PDE3A: variants seen among roughly 807,000 people sequenced by gnomAD.
PDE3A encodes phosphodiesterase 3A, also known as cGMP-inhibited 3',5'-cyclic phosphodiesterase 3A.
In PDE3A, 43 loss-of-function variants were observed where a neutral mutation model predicts 98.3. The observed-to-expected ratio is 0.44, with a 90% CI of 0.34 to 0.56. The LOEUF (loss-of-function observed/expected upper bound fraction) is 0.56. Ranked by LOEUF, PDE3A falls within the 20% of genes least tolerant of loss-of-function variation. The pLI, the probability that PDE3A is intolerant of heterozygous loss-of-function variation, is 0.01. For missense variants in PDE3A, 1,427 were observed against 1,440.7 expected (o/e 0.99, Z 0.15); for synonymous variants, 663 against 567.9 (o/e 1.17, Z -2.38).
intron 2 of PDE3A, among the ~76,000 whole-genome samples, chr12:20,599,443 C>T (rs760086308): frequency 4.6e-5 from 7 of 152,278 alleles, no homozygotes; most frequent in East Asian, 3.9e-4. Context: ...TTTTCATTCT[C>T]GTTTGTACTT....
At chr12:20,488,198 C>T (rs958611213) in intron 1 of PDE3A, among the ~76,000 whole-genome samples, 2 of 152,004 alleles carry the variant, frequency 1.3e-5, no homozygotes, top group Non-Finnish European at 2.9e-5. Context: ...CTCTTTTTCA[C>T]GTACTCTACC....
At chr12:20,604,607 A>G (rs1009409049) in intron 2 of PDE3A, among the ~76,000 whole-genome samples, 1 of 152,216 alleles carries the variant, frequency 6.6e-6, no homozygotes, top group Non-Finnish European at 1.5e-5. Context: ...GAAAGAAAAT[A>G]TTGAGTTTAA....
chr12:20,654,704 G>A (rs867253167), intron 15 of PDE3A, among the ~76,000 whole-genome samples: 6 of 142,566 alleles, frequency 4.2e-5, no homozygotes, highest in Admixed American at 1.5e-4. Flanking sequence ...AGTAGAGATC[G>A]GGTTTCACCA....
chr12:20,447,738 T>C (rs1944981196), intron 1 of PDE3A, among the ~76,000 whole-genome samples: 2 of 152,196 alleles, frequency 1.3e-5, no homozygotes, highest in African/African-American at 4.8e-5. Context: ...TTCTCTGAAT[T>C]CTGTGAGCTG....
At chr12:20,667,635 T>C (rs528172215) in intron 15 of PDE3A, among the ~76,000 whole-genome samples, 3 of 152,192 alleles carry the variant, frequency 2.0e-5, no homozygotes, top group Non-Finnish European at 4.4e-5. Flanking sequence ...ATATGTCCAT[T>C]TATATACTAA....
At chr12:20,659,801 C>T (rs141869583) in intron 15 of PDE3A, among the ~76,000 whole-genome samples, 47 of 152,204 alleles carry the variant, frequency 3.1e-4, no homozygotes, top group Admixed American at 5.9e-4. Flanking sequence ...ACCACTTTTT[C>T]GTATTAGTTT....
Position 20,369,932 on chromosome 12 carries a change from C to T in PDE3A, c.648C>T (p.Ala216=). The change falls in exon 1 of 16, where the codon GCC becomes GCT. Residue 216 remains alanine, a synonymous_variant. Coordinates refer to ENST00000359062, the MANE Select transcript of PDE3A (RefSeq NM_000921.5). ...LRLRLGVLMI[A]LTSAVRTVSL... ...TGAGGCTGGGCGTCCTCATGATCGC[C>T]TTGACTAGCGCGGTCAGGACCGTGT... is the stretch of plus-strand genomic sequence containing the variant. 1.9e-6 allele frequency: 3 copies of T among 1,613,522 alleles called. No individual in the cohort carries two copies. The highest frequency in any genetic ancestry group is 2.5e-6 in the Non-Finnish European group (3 of 1,180,006).
At chr12:20,649,271 G>T (rs1469549736) in intron 13 of PDE3A, among the ~76,000 whole-genome samples, 2 of 151,920 alleles carry the variant, frequency 1.3e-5, no homozygotes, top group Non-Finnish European at 2.9e-5. Context: ...AAGATATCAT[G>T]GAAGCAAACT....
At chr12:20,506,668 T>TCC (rs1215490342) in intron 1 of PDE3A, among the ~76,000 whole-genome samples, 1 of 152,072 alleles carries the variant, frequency 6.6e-6, no homozygotes, top group East Asian at 1.9e-4. Context: ...TTAACCTGGT[T>TCC]AATTGTCTAA....
intron 2 of PDE3A, among the ~76,000 whole-genome samples, chr12:20,575,372 G>T (rs528503028): frequency 5.3e-4 from 80 of 151,850 alleles, no homozygotes; most frequent in Admixed American, 1.2e-3. Flanking sequence ...AATTAATTAA[G>T]ATTAAGCTGT....
At chr12:20,451,446 G>A (rs539364509) in intron 1 of PDE3A, among the ~76,000 whole-genome samples, 1 of 151,932 alleles carries the variant, frequency 6.6e-6, no homozygotes, top group Non-Finnish European at 1.5e-5. Flanking sequence ...GCTAATGTTT[G>A]TATCTTTAGT....
At chr12:20,539,793 T>C (rs894742072) in intron 1 of PDE3A, among the ~76,000 whole-genome samples, 5 of 152,136 alleles carry the variant, frequency 3.3e-5, no homozygotes, top group Non-Finnish European at 5.9e-5. Flanking sequence ...CTTTAGGTTA[T>C]ATCAGTGAAA....
intron 1 of PDE3A, among the ~76,000 whole-genome samples, chr12:20,491,935 C>T (rs952910170): frequency 6.6e-6 from 1 of 152,048 alleles, no homozygotes; most frequent in Non-Finnish European, 1.5e-5. Flanking sequence ...TTTAAATTCC[C>T]TGTTGTAATC....
intron 2 of PDE3A, among the ~76,000 whole-genome samples, chr12:20,562,488 G>T (rs1942552347): frequency 6.6e-6 from 1 of 150,952 alleles, no homozygotes; most frequent in South Asian, 2.1e-4. Flanking sequence ...AAAGTACTGG[G>T]ATTACAGGTG....
intron 2 of PDE3A, among the ~76,000 whole-genome samples, chr12:20,579,425 C>G (rs988940480): frequency 1.3e-5 from 2 of 151,804 alleles, no homozygotes. Context: ...GCAAACAAAT[C>G]TAGTCTTTTC....
chr12:20,481,743 T>A (rs7308041), intron 1 of PDE3A, among the ~76,000 whole-genome samples: 1 of 147,398 alleles, frequency 6.8e-6, no homozygotes, highest in Non-Finnish European at 1.5e-5. Context: ...AGATTCTCCA[T>A]GTAAGTGACT....
At chr12:20,415,541 G>A (rs1387510753) in intron 1 of PDE3A, among the ~76,000 whole-genome samples, 4 of 151,866 alleles carry the variant, frequency 2.6e-5, no homozygotes, top group Non-Finnish European at 5.9e-5. Flanking sequence ...GGGTTCAAGC[G>A]ATTCTCCCAT....
chr12:20,568,328 T>G (rs1020708045), intron 2 of PDE3A, among the ~76,000 whole-genome samples: 2 of 152,008 alleles, frequency 1.3e-5, no homozygotes, highest in Admixed American at 6.6e-5. Context: ...CATCAACTAT[T>G]TTTATCTGGA....
chr12:20,511,695 G>A (rs903522133), intron 1 of PDE3A, among the ~76,000 whole-genome samples: 7 of 151,950 alleles, frequency 4.6e-5, no homozygotes, highest in African/African-American at 7.2e-5. Context: ...AGTGTAACTC[G>A]CCATTCCTTA....
Sources: allele counts gnomAD v4.1 joint callset (sites outside exome capture counted in the v4.1 genomes callset), GRCh38; gene constraint gnomAD v4.1.1; transcripts MANE v1.5; gene names NCBI Gene and HGNC (gene_info 2026-07-23, HGNC 2026-07-21).